Variants in PKIB observed in about 807,000 individuals in gnomAD.
The protein encoded by PKIB is cAMP-dependent protein kinase inhibitor beta, also known as PKI-beta.
A neutral mutation model predicts 4.5 loss-of-function variants in PKIB; 2 were observed. That is an observed-to-expected ratio of 0.44 (90% CI 0.18 to 1.39). The LOEUF (loss-of-function observed/expected upper bound fraction) is 1.39, where lower values mean the gene tolerates loss of function less well. Among genes scored for constraint, PKIB ranks in the 40% most tolerant of loss-of-function variants. The pLI is 0.27. For missense variants in PKIB, 94 were observed against 92.6 expected (o/e 1.02, Z -0.06); for synonymous variants, 38 against 36.0 (o/e 1.06, Z -0.20).
chr6:122,549,075 A>G (rs1198408226), intron 2 of PKIB, among the ~76,000 whole-genome samples: 4 of 152,170 alleles, frequency 2.6e-5, no homozygotes, highest in Non-Finnish European at 1.5e-5. Context: ...AATCTAGTTT[A>G]CTTTCCCCCT....
intron 2 of PKIB, among the ~76,000 whole-genome samples, chr6:122,516,580 T>G (rs1776760576): frequency 6.6e-6 from 1 of 152,216 alleles, no homozygotes; most frequent in Non-Finnish European, 1.5e-5. Context: ...GTGTTCCCAG[T>G]TCTGATTACT....
At chr6:122,515,228 A>T (rs867592757) in intron 2 of PKIB, among the ~76,000 whole-genome samples, 2 of 152,198 alleles carry the variant, frequency 1.3e-5, no homozygotes, top group South Asian at 2.1e-4. Flanking sequence ...CGTTTATTCC[A>T]GGTATAAATA....
intron 3 of PKIB, among the ~76,000 whole-genome samples, chr6:122,684,947 A>G (rs371672530): frequency 6.6e-6 from 1 of 152,156 alleles, no homozygotes; most frequent in South Asian, 2.1e-4. Context: ...TCTTATGTAA[A>G]ATGTACATTG....
At chr6:122,583,747 A>G (rs1291768754) in intron 2 of PKIB, among the ~76,000 whole-genome samples, 2 of 152,098 alleles carry the variant, frequency 1.3e-5, no homozygotes, top group Non-Finnish European at 2.9e-5. Context: ...CCCATTCTAG[A>G]TTAGTTTATT....
chr6:122,620,069 C>G (rs1245010370), intron 1 of PKIB, among the ~76,000 whole-genome samples: 1 of 152,038 alleles, frequency 6.6e-6, no homozygotes, highest in Non-Finnish European at 1.5e-5. Flanking sequence ...TCCCTTCATG[C>G]CCCCATATGC....
At chr6:122,561,466 A>C (rs975288273) in intron 2 of PKIB, among the ~76,000 whole-genome samples, 1 of 152,136 alleles carries the variant, frequency 6.6e-6, no homozygotes. Flanking sequence ...TTTTTGGCCT[A>C]TCATATGATC....
intron 2 of PKIB, among the ~76,000 whole-genome samples, chr6:122,647,266 A>G (rs1430815): frequency 0.29 from 44,424 of 152,066 alleles, 7,126 homozygotes; most frequent in Middle Eastern, 0.36. Context: ...CCACTAAGAT[A>G]TTGAGGATAA....
chr6:122,526,944 C>T (rs1777108815), intron 2 of PKIB, among the ~76,000 whole-genome samples: 1 of 152,144 alleles, frequency 6.6e-6, no homozygotes, highest in Admixed American at 6.6e-5. Flanking sequence ...AAATCTGTTG[C>T]TAAGTGTAAC....
At position 122,717,873 on chromosome 6, in the gene PKIB, C is replaced by T. The variant is rs749074833; in HGVS notation, c.79C>T (p.Arg27Trp). 6.8e-6 allele frequency: 11 copies of T among 1,614,112 alleles called. No individual in the cohort carries two copies. The highest frequency in any genetic ancestry group is 2.2e-5 in the South Asian group (2 of 91,074). Residue 27 changes from arginine to tryptophan, a missense_variant, in exon 4 of 5, where the codon CGG becomes TGG. Transcript: ENST00000368452. The stretch of plus-strand genomic sequence containing the variant: ...TGCATCTTCAGCAAGGGCAGGCCGC[C>T]GGAATGCCTTACCAGACATCCAGAG... ...NFASSARAGR[R>W]NALPDIQSSA...
intron 2 of PKIB, among the ~76,000 whole-genome samples, chr6:122,490,418 T>C (rs929808142): frequency 1.2e-4 from 18 of 152,184 alleles, no homozygotes; most frequent in Admixed American, 6.5e-4. Flanking sequence ...GATGTTTACC[T>C]CTTCCAAATC....
chr6:122,517,308 A>C (rs9375142), intron 2 of PKIB, among the ~76,000 whole-genome samples: 23,689 of 152,138 alleles, frequency 0.16, 1,931 homozygotes, highest in East Asian at 0.26. Flanking sequence ...ATTTTGACTT[A>C]TATTAAAGAG....
intron 2 of PKIB, among the ~76,000 whole-genome samples, chr6:122,575,346 T>C (rs1298791709): frequency 2.0e-5 from 3 of 152,032 alleles, no homozygotes; most frequent in Non-Finnish European, 4.4e-5. Context: ...AGTATGGAGA[T>C]TCCTTAAATA....
intron 2 of PKIB, among the ~76,000 whole-genome samples, chr6:122,536,829 G>T (rs1452627829): frequency 6.8e-6 from 1 of 147,688 alleles, no homozygotes; most frequent in African/African-American, 2.5e-5. Flanking sequence ...TTAGACAAAT[G>T]AAAATAAAGG....
chr6:122,677,333 T>G (rs1777710673), intron 3 of PKIB, among the ~76,000 whole-genome samples: 1 of 152,224 alleles, frequency 6.6e-6, no homozygotes, highest in Non-Finnish European at 1.5e-5. Flanking sequence ...TATTTGTTTT[T>G]TGTTTTTTTT....
At chr6:122,530,801 T>G (rs1405186731) in intron 2 of PKIB, among the ~76,000 whole-genome samples, 3 of 152,194 alleles carry the variant, frequency 2.0e-5, no homozygotes, top group African/African-American at 7.2e-5. Flanking sequence ...TCTCCTGTTT[T>G]TGGCAAAAGC....
At chr6:122,641,029 T>C (rs1776100531) in intron 2 of PKIB, among the ~76,000 whole-genome samples, 1 of 152,214 alleles carries the variant, frequency 6.6e-6, no homozygotes, top group Non-Finnish European at 1.5e-5. Flanking sequence ...TATTTTATAA[T>C]GTCTGCTTAA....
intron 1 of PKIB, among the ~76,000 whole-genome samples, chr6:122,477,456 T>C (rs1339974805): frequency 6.6e-6 from 1 of 152,226 alleles, no homozygotes; most frequent in Non-Finnish European, 1.5e-5. Flanking sequence ...AATGTTATAT[T>C]CTGATAATCA....
In PKIB at chr6:122,637,458, T is replaced by C. The variant is rs188081880; in HGVS notation, c.-76+4091T>C. ...GTGAAGAATACATAATATATCTTAG[T>C]TAAAAATAAAGATGAAGGCCAGGTG... On this transcript the variant is annotated intron_variant, in intron 2 of 4. Coordinates refer to ENST00000368452, the MANE Select transcript of PKIB (RefSeq NM_181795.3). Among the ~76,000 whole-genome samples the C allele has an allele frequency of 7.4e-3, 1,119 of 152,122 alleles. 13 individuals are homozygous for C. Among genetic ancestry groups the C allele is most frequent in the South Asian group, 0.063 (303 of 4,814 alleles).
chr6:122,551,638 A>G (rs551995097), intron 2 of PKIB, among the ~76,000 whole-genome samples: 5 of 152,100 alleles, frequency 3.3e-5, no homozygotes, highest in Admixed American at 2.6e-4. Flanking sequence ...AAAGTCATCA[A>G]CATTGAGCCA....
Sources: gnomAD v4.1 joint callset for allele counts (sites outside exome capture counted in the v4.1 genomes callset) on GRCh38, gnomAD v4.1.1 for gene constraint, MANE v1.5 for transcripts, NCBI Gene and HGNC (gene_info 2026-07-23, HGNC 2026-07-21) for gene names.